FBXO4: variants seen among roughly 807,000 people sequenced by gnomAD.
The protein encoded by FBXO4 is F-box protein 4.
Under a neutral mutation model 43.7 loss-of-function variants are expected in FBXO4, and 36 were observed. That is an observed-to-expected ratio of 0.82 (90% CI 0.63 to 1.09). The LOEUF is 1.09. Among genes scored for constraint, FBXO4 ranks in the 50% least tolerant of loss-of-function variants. The pLI is 0.00. For missense variants in FBXO4, 435 were observed against 474.1 expected (o/e 0.92, Z 0.77); for synonymous variants, 180 against 165.6 (o/e 1.09, Z -0.67).
chr5:41,988,651 T>C, the FBXO4 span, among the ~76,000 whole-genome samples: 1 of 152,186 alleles, frequency 6.6e-6, no homozygotes, highest in Non-Finnish European at 1.5e-5. Flanking sequence ...AGTTTCTGGT[T>C]TGATGAGCTC....
At chr5:41,945,559 C>T (rs1752065775), downstream of FBXO4, among the ~76,000 whole-genome samples, 1 of 152,152 alleles carries the variant, frequency 6.6e-6, no homozygotes. Flanking sequence ...TGTGCTTCCC[C>T]CTGCAGAGAG....
the FBXO4 span, among the ~76,000 whole-genome samples, chr5:41,973,480 C>A: frequency 2.0e-5 from 3 of 152,146 alleles, no homozygotes; most frequent in South Asian, 2.1e-4. Context: ...GGTTTGAGAC[C>A]AGTCTGGGCA....
the FBXO4 span, chr5:41,951,380 C>T: frequency 4.3e-6 from 1 of 234,954 alleles, no homozygotes; most frequent in South Asian, 5.7e-5. Context: ...CCTTCGGTGG[C>T]AGGCTGAGTG....
At chr5:41,983,860 A>G in the FBXO4 span, among the ~76,000 whole-genome samples, 1 of 152,090 alleles carries the variant, frequency 6.6e-6, no homozygotes, top group South Asian at 2.1e-4. Context: ...TATTTAAATT[A>G]TATATTTTTT....
the FBXO4 span, among the ~76,000 whole-genome samples, chr5:42,040,034 A>G: frequency 1.3e-5 from 2 of 152,096 alleles, no homozygotes; most frequent in Non-Finnish European, 2.9e-5. Context: ...CCTTGACTGC[A>G]GCTTTGTAAG....
the FBXO4 span, chr5:41,967,199 CT>C: frequency 5.4e-4 from 256 of 471,814 alleles, no homozygotes; most frequent in South Asian, 1.0e-3. Flanking sequence ...AGCCTCAGCA[CT>C]TTTTTTTTGT....
chr5:41,941,096 C>A (rs1411989515), intron 6 of FBXO4, 96 bp from the exon 7 acceptor site: 8 of 882,508 alleles, frequency 9.1e-6, no homozygotes, highest in Non-Finnish European at 1.4e-5. Flanking sequence ...TTTAAAAGTT[C>A]TGTTATCTTT....
At chr5:42,007,323 A>T in the FBXO4 span, among the ~76,000 whole-genome samples, 2 of 152,054 alleles carry the variant, frequency 1.3e-5, no homozygotes, top group African/African-American at 2.4e-5. Flanking sequence ...TTTACTGCCT[A>T]TGAATTGACT....
rs778594840 is a variant in FBXO4, at chr5:41,927,249, G to A, written c.425+1G>A. ...GTGCATTTTTTGACTACATGGCAGT[G>A]TAAGTATCTAGTTTTATGAATTAAA... On this transcript the variant is annotated splice_donor_variant, in intron 2 of 6. Transcript: ENST00000281623. LOFTEE classifies it high-confidence loss of function. The A allele has an allele frequency of 8.3e-6, 13 of 1,565,022 alleles. No individual in the cohort carries two copies. The highest frequency in any genetic ancestry group is 4.3e-6 in the Non-Finnish European group (5 of 1,159,334).
chr5:41,942,786 C>T (rs554437245), downstream of FBXO4, among the ~76,000 whole-genome samples: 3 of 152,164 alleles, frequency 2.0e-5, no homozygotes, highest in South Asian at 6.2e-4. Context: ...ACTCTATTTG[C>T]AGCATGAGAT....
chr5:41,985,813 GTTA>G, the FBXO4 span, among the ~76,000 whole-genome samples: 1 of 152,004 alleles, frequency 6.6e-6, no homozygotes, highest in Non-Finnish European at 1.5e-5. Context: ...AACTATTAAT[GTTA>G]TTATTATTCT....
chr5:41,933,856 C>T (rs1751766994), intron 3 of FBXO4, 90 bp from the exon 4 acceptor site: 3 of 1,011,976 alleles, frequency 3.0e-6, no homozygotes, highest in Non-Finnish European at 4.4e-6. Flanking sequence ...TTTTTCTTTA[C>T]TCTTTTTGCT....
At chr5:41,973,246 A>C in the FBXO4 span, among the ~76,000 whole-genome samples, 4 of 152,208 alleles carry the variant, frequency 2.6e-5, no homozygotes, top group Non-Finnish European at 4.4e-5. Flanking sequence ...AACTCATTGA[A>C]AAATGGGCAA....
chr5:42,025,598 A>C, the FBXO4 span, among the ~76,000 whole-genome samples: 1 of 151,856 alleles, frequency 6.6e-6, no homozygotes, highest in African/African-American at 2.4e-5. Context: ...ATGGGGTATT[A>C]ATCAAGATTT....
chr5:41,974,183 G>A, the FBXO4 span, among the ~76,000 whole-genome samples: 1 of 152,040 alleles, frequency 6.6e-6, no homozygotes, highest in Non-Finnish European at 1.5e-5. Context: ...TGGTATCCTT[G>A]GTCTGGGGTG....
chr5:41,992,816 AT>A, the FBXO4 span, among the ~76,000 whole-genome samples: 1 of 152,154 alleles, frequency 6.6e-6, no homozygotes, highest in Non-Finnish European at 1.5e-5. Flanking sequence ...GAGTTAAAAT[AT>A]TTTCAGCAAG....
the FBXO4 span, among the ~76,000 whole-genome samples, chr5:41,974,333 A>G: frequency 6.6e-6 from 1 of 152,148 alleles, no homozygotes; most frequent in Non-Finnish European, 1.5e-5. Context: ...TTCTGTTTCT[A>G]GAATTTCAAT....
chr5:42,036,466 C>T, the FBXO4 span, among the ~76,000 whole-genome samples: 1 of 152,054 alleles, frequency 6.6e-6, no homozygotes, highest in Admixed American at 6.6e-5. Flanking sequence ...TACTCTATGG[C>T]CCTTTAAAAT....
chr5:42,023,785 G>A, the FBXO4 span, among the ~76,000 whole-genome samples: 1 of 151,878 alleles, frequency 6.6e-6, no homozygotes, highest in East Asian at 1.9e-4. Context: ...GTTACATTGA[G>A]CTTACTCTGA....
Sources: allele counts gnomAD v4.1 joint callset (sites outside exome capture counted in the v4.1 genomes callset), GRCh38; gene constraint gnomAD v4.1.1; transcripts MANE v1.5; gene names NCBI Gene and HGNC (gene_info 2026-07-23, HGNC 2026-07-21).